The following DNAAF19 variants were observed in gnomAD, a reference collection of about 807,000 sequenced individuals.
The protein encoded by DNAAF19 is coiled-coil domain containing 103.
chr17:44,901,178 A>G, the DNAAF19 span: 3 of 1,595,246 alleles, frequency 1.9e-6, no homozygotes, highest in Non-Finnish European at 2.6e-6. Context: ...CCCTCCTGTT[A>G]TGGTGGATTA....
At chr17:44,904,821 A>G in the DNAAF19 span, 1 of 1,550,670 alleles carries the variant, frequency 6.4e-7, no homozygotes, top group Non-Finnish European at 8.7e-7. Context: ...AACCAGCTCC[A>G]CATCCGCTTC....
At chr17:44,901,372 G>A in the DNAAF19 span, 9 of 1,051,962 alleles carry the variant, frequency 8.6e-6, no homozygotes, top group South Asian at 1.4e-4. Context: ...CATGTGAGGT[G>A]CTTGAAAGCA....
At chr17:44,904,843 T>C in the DNAAF19 span, 5 of 1,550,652 alleles carry the variant, frequency 3.2e-6, no homozygotes, top group East Asian at 2.4e-5. Context: ...CCCAGCTGGA[T>C]GACCGGGGCA....
the DNAAF19 span, chr17:44,899,832 C>T: frequency 6.6e-6 from 1 of 152,452 alleles, no homozygotes; most frequent in Non-Finnish European, 1.5e-5. Context: ...GGGTGAAGGT[C>T]CGGGAGGCTG....
the DNAAF19 span, chr17:44,904,076 G>A: frequency 6.4e-7 from 1 of 1,550,558 alleles, no homozygotes; most frequent in Non-Finnish European, 8.7e-7. Flanking sequence ...GACGGACTTT[G>A]ATGGGCGGGT....
At chr17:44,905,311 T>C in the DNAAF19 span, 4 of 532,084 alleles carry the variant, frequency 7.5e-6, no homozygotes. Flanking sequence ...ATGTGTTTCC[T>C]GACTTCACAT....
the DNAAF19 span, chr17:44,901,712 G>A: frequency 6.4e-7 from 1 of 1,568,456 alleles, no homozygotes; most frequent in Non-Finnish European, 8.6e-7. Flanking sequence ...CTTCAATCCT[G>A]TTTTTTCATT....
the DNAAF19 span, chr17:44,904,913 C>T: frequency 4.0e-5 from 62 of 1,550,618 alleles, no homozygotes; most frequent in South Asian, 7.0e-4. Flanking sequence ...TGTGACATCT[C>T]ATGGGCACTA....
At chr17:44,904,427 C>A in the DNAAF19 span, 1 of 1,541,758 alleles carries the variant, frequency 6.5e-7, no homozygotes, top group Middle Eastern at 1.7e-4. Flanking sequence ...GAGCCCAGAC[C>A]TCTCCCCACG....
the DNAAF19 span, chr17:44,900,985 C>T: frequency 2.5e-6 from 4 of 1,594,928 alleles, no homozygotes; most frequent in African/African-American, 4.1e-5. Context: ...CCTTTGCCTT[C>T]CCAGGCACAG....
chr17:44,901,153 G>C, the DNAAF19 span: 1 of 1,599,630 alleles, frequency 6.3e-7, no homozygotes, highest in Non-Finnish European at 8.5e-7. Context: ...TTGGCTCACT[G>C]CCATTTTTCT....
chr17:44,903,819 C>T, the DNAAF19 span: 2 of 1,546,230 alleles, frequency 1.3e-6, no homozygotes, highest in Admixed American at 2.0e-5. Context: ...TGACCCCTGC[C>T]TCCTTCAGGT....
chr17:44,902,703 A>G, the DNAAF19 span: 1 of 1,613,966 alleles, frequency 6.2e-7, no homozygotes, highest in South Asian at 1.1e-5. Context: ...GCAACCCCAG[A>G]TCCGTGAAGG....
At chr17:44,901,454 C>T in the DNAAF19 span, 6 of 1,574,622 alleles carry the variant, frequency 3.8e-6, no homozygotes, top group Non-Finnish European at 5.2e-6. Flanking sequence ...CATGCAAAGT[C>T]TAGCTGCCTC....
the DNAAF19 span, chr17:44,904,538 C>T: frequency 6.7e-5 from 104 of 1,550,358 alleles, no homozygotes; most frequent in Middle Eastern, 3.3e-4. Context: ...GGTGCTGGTT[C>T]GGAGCTGCTT....
At chr17:44,902,422 C>A in the DNAAF19 span, 24 of 1,614,120 alleles carry the variant, frequency 1.5e-5, no homozygotes, top group African/African-American at 5.3e-5. Flanking sequence ...TTGGCGACGA[C>A]ACTTGCCAAG....
chr17:44,902,385 C>A, the DNAAF19 span: 4 of 1,614,102 alleles, frequency 2.5e-6, no homozygotes, highest in African/African-American at 5.3e-5. Context: ...CCCTCCAGCC[C>A]GAGACGTCTG....
At chr17:44,902,989 G>A in the DNAAF19 span, 5 of 1,430,164 alleles carry the variant, frequency 3.5e-6, no homozygotes, top group South Asian at 4.6e-5. Flanking sequence ...CAGTCCCTCA[G>A]TGTCTCGCTG....
chr17:44,904,496 C>G, the DNAAF19 span: 7 of 1,548,744 alleles, frequency 4.5e-6, no homozygotes, highest in South Asian at 1.2e-5. Context: ...GCCAAGGAAG[C>G]TGCGGACCAA....
Sources: allele counts gnomAD v4.1 joint callset, GRCh38; gene constraint gnomAD v4.1.1; transcripts MANE v1.5; gene names NCBI Gene and HGNC (gene_info 2026-07-23, HGNC 2026-07-21).